Variants in OTOGL observed in about 807,000 individuals in gnomAD.
OTOGL encodes otogelin-like protein.
Under a neutral mutation model 318.5 loss-of-function variants are expected in OTOGL, and 285 were observed. The observed-to-expected ratio is 0.89, with a 90% CI of 0.81 to 0.99. The LOEUF is 0.99. Ranked by LOEUF, OTOGL falls within the 50% of genes least tolerant of loss-of-function variation. The pLI, the probability that OTOGL is intolerant of heterozygous loss-of-function variation, is 0.00. For synonymous variants in OTOGL, 987 were observed against 936.5 expected (o/e 1.05, Z -0.99); for missense variants, 2,899 against 2,845.6 (o/e 1.02, Z -0.43).
rs370407415 is a variant in OTOGL, at chr12:80,377,806, T to A, written c.6862-42T>A. 76 of 1,444,022 alleles carry A rather than the reference T, an allele frequency of 5.3e-5. No homozygotes were observed. The African/African-American group carries it at 9.3e-4, about 18-fold the overall frequency. 89.5% of individuals were successfully genotyped at this position (1,444,022 alleles called of 1,614,324 possible). On this transcript the variant is annotated intron_variant, in intron 58 of 58. Transcript: ENST00000547103. ...TGGAATCAAATAATAACCAGTACTT[T>A]TAAAAGTTTAAGACTTTTTTTCTCA... is the stretch of plus-strand genomic sequence containing the variant.
chr12:80,181,957 A>G (rs2137241362), intron 1 of OTOGL, among the ~76,000 whole-genome samples: 1 of 152,178 alleles, frequency 6.6e-6, no homozygotes, highest in African/African-American at 2.4e-5. Context: ...TGAGTCCGGG[A>G]GGTAAAGACC....
chr12:80,125,533 C>G (rs1180405488), intron 1 of OTOGL, among the ~76,000 whole-genome samples: 1 of 152,168 alleles, frequency 6.6e-6, no homozygotes, highest in Non-Finnish European at 1.5e-5. Flanking sequence ...GCTTTGGTAT[C>G]AGGATGATGC....
Position 80,314,298 on chromosome 12 carries a change from CT to C in OTOGL, c.3608-3del. 5 of 1,025,366 alleles carry C rather than the reference CT, an allele frequency of 4.9e-6. No individual in the cohort carries two copies. Among genetic ancestry groups the C allele is most frequent in the South Asian group, 6.1e-5 (2 of 32,952 alleles). The allele number at this position is 1,025,366 out of a possible 1,614,324, so 63.5% of individuals were successfully genotyped here. On this transcript the variant is annotated splice_polypyrimidine_tract_variant and splice_region_variant and intron_variant, in intron 31 of 58. Transcript: ENST00000547103. Reference sequence around the variant, plus strand: ...ATAGTTTAATATTTATTCTTTTTTTCTTTTAGCACTTGATTGTGAATACTAC... The same window carrying C: ...ATAGTTTAATATTTATTCTTTTTTTCTTTAGCACTTGATTGTGAATACTAC...
At chr12:80,193,976 G>A (rs1400374840) in intron 1 of OTOGL, among the ~76,000 whole-genome samples, 1 of 152,172 alleles carries the variant, frequency 6.6e-6, no homozygotes, top group African/African-American at 2.4e-5. Context: ...AGTTAGTGAT[G>A]GCACAGAACA....
intron 1 of OTOGL, among the ~76,000 whole-genome samples, chr12:80,123,138 C>T (rs867057891): frequency 3.3e-5 from 5 of 152,062 alleles, no homozygotes; most frequent in Middle Eastern, 3.4e-3. Context: ...CACCCAATAA[C>T]TCATCATTTA....
chr12:80,369,269 G>A (rs567389427), intron 55 of OTOGL, among the ~76,000 whole-genome samples: 11 of 151,942 alleles, frequency 7.2e-5, no homozygotes, highest in South Asian at 2.1e-4. Flanking sequence ...ATCTAAGAGC[G>A]TGTAATGTAA....
chr12:80,134,531 A>G (rs1871429500), intron 1 of OTOGL, among the ~76,000 whole-genome samples: 1 of 152,174 alleles, frequency 6.6e-6, no homozygotes, highest in Admixed American at 6.5e-5. Context: ...TCACAGTTTT[A>G]TGTTTTTGCA....
At chr12:80,296,184 T>C (rs961723620) in intron 26 of OTOGL, among the ~76,000 whole-genome samples, 3 of 152,204 alleles carry the variant, frequency 2.0e-5, no homozygotes, top group Non-Finnish European at 4.4e-5. Context: ...CAAAACAGAT[T>C]AGGAATTTGA....
intron 1 of OTOGL, among the ~76,000 whole-genome samples, chr12:80,162,171 T>C (rs917963689): frequency 2.0e-5 from 3 of 152,182 alleles, no homozygotes; most frequent in African/African-American, 7.2e-5. Flanking sequence ...AAATTCTTAT[T>C]CCTCAAAAGT....
chr12:80,371,477 G>T (rs941848943), intron 56 of OTOGL, among the ~76,000 whole-genome samples: 1 of 151,954 alleles, frequency 6.6e-6, no homozygotes, highest in Admixed American at 6.6e-5. Context: ...TATTTATAGC[G>T]TAAATCATTC....
chr12:80,155,055 T>C (rs773207888), intron 1 of OTOGL, among the ~76,000 whole-genome samples: 4 of 152,242 alleles, frequency 2.6e-5, no homozygotes, highest in Admixed American at 1.3e-4. Context: ...TTTTTTCATA[T>C]GCTTATTTTC....
intron 1 of OTOGL, among the ~76,000 whole-genome samples, chr12:80,114,830 T>C (rs894850066): frequency 6.6e-6 from 1 of 151,948 alleles, no homozygotes; most frequent in African/African-American, 2.4e-5. Context: ...TTTTTTTTTC[T>C]CTAATCTTGT....
Position 80,253,668 on chromosome 12 carries a change from A to C in OTOGL, c.1394+94A>C, listed in dbSNP as rs1565931662. 1.2e-5 allele frequency: 11 copies of C among 938,078 alleles called. No individual in the cohort carries two copies. The East Asian group carries it at 2.6e-4, about 22-fold the overall frequency. 58.1% of individuals were successfully genotyped at this position (938,078 alleles called of 1,614,324 possible). A position where few individuals can be genotyped will look rare whatever the true frequency, so the allele number is the denominator to read the frequency against. Reference sequence around the variant, plus strand: ...GTTTAAAGGAATATACTCATTACTAATTTACTTCCCAAATTCCAACACAAA... The same window carrying C: ...GTTTAAAGGAATATACTCATTACTACTTTACTTCCCAAATTCCAACACAAA... On this transcript the variant is annotated intron_variant, in intron 14 of 58. Transcript: ENST00000547103.
chr12:80,194,774 T>A (rs1006584623), intron 1 of OTOGL, among the ~76,000 whole-genome samples: 6 of 152,238 alleles, frequency 3.9e-5, no homozygotes, highest in Admixed American at 6.5e-5. Context: ...AATATTAAAA[T>A]TTAAAAAAAT....
At chr12:80,172,635 T>C (rs529972377) in intron 1 of OTOGL, among the ~76,000 whole-genome samples, 3 of 152,160 alleles carry the variant, frequency 2.0e-5, no homozygotes, top group South Asian at 4.1e-4. Flanking sequence ...ATGTTTTCTA[T>C]GTATTTAAAA....
chr12:80,207,540 C>T (rs954801321), intron 1 of OTOGL, among the ~76,000 whole-genome samples: 2 of 151,962 alleles, frequency 1.3e-5, no homozygotes, highest in Non-Finnish European at 1.5e-5. Flanking sequence ...AGCAAAAAGT[C>T]AAACAGTTAC....
intron 57 of OTOGL, among the ~76,000 whole-genome samples, chr12:80,373,150 A>G (rs746277776): frequency 4.6e-5 from 7 of 152,116 alleles, no homozygotes; most frequent in Non-Finnish European, 1.0e-4. Flanking sequence ...GGGGCACAAC[A>G]AAGTTCAGTT....
chr12:80,127,743 T>C (rs1338209393), intron 1 of OTOGL, among the ~76,000 whole-genome samples: 1 of 152,210 alleles, frequency 6.6e-6, no homozygotes, highest in Non-Finnish European at 1.5e-5. Flanking sequence ...TCATTTCTTT[T>C]TATTCTTTTT....
chr12:80,346,725 A>T (rs932600636), intron 44 of OTOGL, among the ~76,000 whole-genome samples: 5 of 152,270 alleles, frequency 3.3e-5, no homozygotes, highest in African/African-American at 1.2e-4. Context: ...ATGATGATGG[A>T]TTCTGCTGGT....
Sources: allele counts gnomAD v4.1 joint callset (sites outside exome capture counted in the v4.1 genomes callset), GRCh38; gene constraint gnomAD v4.1.1; transcripts MANE v1.5; gene names NCBI Gene and HGNC (gene_info 2026-07-23, HGNC 2026-07-21).